The following KBTBD11 variants were observed in gnomAD, a reference collection of about 807,000 sequenced individuals.
KBTBD11 encodes kelch repeat and BTB domain containing 11.
For synonymous variants in KBTBD11, 747 were observed against 499.0 expected (o/e 1.50, Z -6.63); for missense variants, 1,390 against 1,001.8 (o/e 1.39, Z -5.23).
In KBTBD11 at chr8:2,001,037, A is replaced by C; in HGVS notation, c.-156A>C. The C allele has an allele frequency of 9.8e-7, 1 of 1,024,220 alleles. No homozygotes were observed. The highest frequency in any genetic ancestry group is 1.2e-6 in the Non-Finnish European group (1 of 807,230). The allele number at this position is 1,024,220 out of a possible 1,614,324, so 63.4% of individuals were successfully genotyped here. Reference sequence around the variant, plus strand: ...CAGCGTGTGAGATTCCCCCCTTCACACACACAACAACAAAGCGTGGACACA... The same window carrying C: ...CAGCGTGTGAGATTCCCCCCTTCACCCACACAACAACAAAGCGTGGACACA... On this transcript the variant is annotated 5_prime_UTR_variant, in exon 2 of 2. Transcript: ENST00000320248.
At chr8:1,982,085 A>C (rs1041709103) in intron 1 of KBTBD11, among the ~76,000 whole-genome samples, 1 of 152,192 alleles carries the variant, frequency 6.6e-6, no homozygotes, top group African/African-American at 2.4e-5. Flanking sequence ...ACAGCACAAA[A>C]AGCTGTCATT....
At chr8:1,983,468 C>G (rs1228672776) in intron 1 of KBTBD11, among the ~76,000 whole-genome samples, 1 of 152,220 alleles carries the variant, frequency 6.6e-6, no homozygotes. Context: ...GTCTCGTTCC[C>G]TATTTCCATC....
chr8:1,979,078 ATG>A (rs1563361977), intron 1 of KBTBD11, among the ~76,000 whole-genome samples: 18 of 151,724 alleles, frequency 1.2e-4, no homozygotes, highest in African/African-American at 4.1e-4. Context: ...ATGTGTGTGC[ATG>A]TGTCTGCACG....
intron 1 of KBTBD11, 83 bp from the exon 2 acceptor site, chr8:2,000,202 A>C (rs888788479): frequency 1.3e-5 from 2 of 152,216 alleles, no homozygotes; most frequent in African/African-American, 4.8e-5. Flanking sequence ...AACGTTGGAG[A>C]GGGAAGGGTG....
intron 1 of KBTBD11, among the ~76,000 whole-genome samples, chr8:1,989,675 C>G (rs139388539): frequency 6.6e-6 from 1 of 152,198 alleles, no homozygotes; most frequent in African/African-American, 2.4e-5. Context: ...CACGACGCAT[C>G]GCCTCCCCGA....
chr8:1,985,276 C>G (rs1218147099), intron 1 of KBTBD11, among the ~76,000 whole-genome samples: 1 of 152,264 alleles, frequency 6.6e-6, no homozygotes, highest in Non-Finnish European at 1.5e-5. Context: ...GGTGAGCTGT[C>G]AGGAGCTCGT....
chr8:1,984,439 C>T (rs1341214743), intron 1 of KBTBD11, among the ~76,000 whole-genome samples: 1 of 151,924 alleles, frequency 6.6e-6, no homozygotes, highest in Admixed American at 6.6e-5. Context: ...CAGCTGCCCG[C>T]ACCACACCTG....
chr8:1,993,318 C>T (rs1156422821), intron 1 of KBTBD11, among the ~76,000 whole-genome samples: 1 of 152,028 alleles, frequency 6.6e-6, no homozygotes, highest in Non-Finnish European at 1.5e-5. Flanking sequence ...TTCATCCATC[C>T]ATCTATCCAT....
At chr8:1,994,230 G>A (rs1024690476) in intron 1 of KBTBD11, among the ~76,000 whole-genome samples, 3 of 151,396 alleles carry the variant, frequency 2.0e-5, no homozygotes, top group Non-Finnish European at 4.4e-5. Flanking sequence ...GAGGGCAGGT[G>A]GGGGACAGCT....
At chr8:1,981,124 T>G (rs1304983401) in intron 1 of KBTBD11, among the ~76,000 whole-genome samples, 1 of 152,022 alleles carries the variant, frequency 6.6e-6, no homozygotes, top group Admixed American at 6.5e-5. Flanking sequence ...CAAGAGAGAG[T>G]AGGGTGATCT....
At chr8:1,995,377 T>C (rs1256300206) in intron 1 of KBTBD11, among the ~76,000 whole-genome samples, 1 of 152,198 alleles carries the variant, frequency 6.6e-6, no homozygotes, top group Non-Finnish European at 1.5e-5. Context: ...TTAGTAGCCG[T>C]ACGGCCAAGT....
rs1255812161 is a variant in KBTBD11 at position 2,001,465 on chromosome 8, C to G, written c.273C>G (p.Leu91=). Residue 91 remains leucine, a synonymous_variant, in exon 2 of 2, where the codon CTC becomes CTG. Transcript: ENST00000320248. ...CGGGCGCCGCGTCCCCGGAGGAGCT[C>G]GCGTCCCCTGAGGAGCGCGCGTGCC... ...GSAGAASPEE[L]ASPEERACPE... 39 of 1,366,782 alleles carry G rather than the reference C, an allele frequency of 2.9e-5. No homozygotes were observed. Among genetic ancestry groups the G allele is most frequent in the Non-Finnish European group, 3.6e-5 (39 of 1,068,498 alleles). The allele number at this position is 1,366,782 out of a possible 1,614,324, so 84.7% of individuals were successfully genotyped here. A position where few individuals can be genotyped will look rare whatever the true frequency, so the allele number is the denominator to read the frequency against.
chr8:2,001,840 GC>G lies in KBTBD11; in HGVS notation c.651del (p.Gly218AlafsTer14). ...VVAGARRLQL[P>X]GAAQRATDAV... ...TGGCCGGCGCGCGCCGCCTGCAGCTGCCCGGCGCCGCGCAGCGCGCCACCGA... is the reference window on the plus strand; with the variant it reads ...TGGCCGGCGCGCGCCGCCTGCAGCTGCCGGCGCCGCGCAGCGCGCCACCGA... On this transcript the variant is annotated frameshift_variant, in exon 2 of 2. Transcript: ENST00000320248. LOFTEE classifies it low-confidence loss of function (END_TRUNC). 1 of 1,230,950 alleles carries G rather than the reference GC, an allele frequency of 8.1e-7. No homozygotes were observed. 76.3% of individuals were successfully genotyped at this position (1,230,950 alleles called of 1,614,324 possible). A position where few individuals can be genotyped will look rare whatever the true frequency, so the allele number is the denominator to read the frequency against.
At chr8:1,979,394 C>T (rs13273662) in intron 1 of KBTBD11, among the ~76,000 whole-genome samples, 99,155 of 151,994 alleles carry the variant, frequency 0.65, 32,958 homozygotes, top group Middle Eastern at 0.78. Context: ...CTTTGGGAGG[C>T]CGAGGTAGGC....
Position 2,002,372 on chromosome 8 carries a change from G to T in KBTBD11, c.1180G>T (p.Ala394Ser). ...CAACCCGGCCACGGACAGCTGGAGC[G>T]CCGTGAGGCCCCTGCGCCAGGCGCG... Reference protein sequence around the residue: ...CYNPATDSWSAVRPLRQARSQ... With the variant: ...CYNPATDSWSSVRPLRQARSQ... The change falls in exon 2 of 2, where the codon GCC becomes TCC. Residue 394 changes from alanine (A) to serine (S), a missense_variant. Transcript: ENST00000320248. The surrounding 1 kb of genome is among the most constrained non-coding windows in gnomAD (Gnocchi z 4.1). 6.8e-7 allele frequency: 1 copy of T among 1,475,864 alleles called. No homozygotes were observed. Among genetic ancestry groups the T allele is most frequent in the Non-Finnish European group, 8.9e-7 (1 of 1,119,238 alleles). The allele number at this position is 1,475,864 out of a possible 1,614,324, so 91.4% of individuals were successfully genotyped here.
chr8:1,982,951 G>C (rs917037465), intron 1 of KBTBD11, among the ~76,000 whole-genome samples: 1 of 152,114 alleles, frequency 6.6e-6, no homozygotes, highest in African/African-American at 2.4e-5. Flanking sequence ...GTGTTGAACT[G>C]CTGACCTCAA....
intron 1 of KBTBD11, chr8:1,974,230 G>T: frequency 3.2e-6 from 3 of 924,420 alleles, no homozygotes; most frequent in Non-Finnish European, 3.9e-6. Flanking sequence ...GAGGCCGCGT[G>T]GGGGGCGTGG....
chr8:1,989,174 A>G (rs1054858076), intron 1 of KBTBD11, among the ~76,000 whole-genome samples: 3 of 152,178 alleles, frequency 2.0e-5, no homozygotes, highest in African/African-American at 7.2e-5. Context: ...TGAATCAGTA[A>G]TTCTTGAGTC....
chr8:1,978,230 T>C (rs942827493), intron 1 of KBTBD11, among the ~76,000 whole-genome samples: 2 of 152,244 alleles, frequency 1.3e-5, no homozygotes, highest in Admixed American at 6.5e-5. Context: ...CTCCCACTTA[T>C]AAGTGAGAAC....
Sources: gnomAD v4.1 joint callset for allele counts (sites outside exome capture counted in the v4.1 genomes callset) on GRCh38, gnomAD v4.1.1 for gene constraint, Gnocchi (gnomAD v3.1) non-coding constraint, MANE v1.5 for transcripts, NCBI Gene and HGNC (gene_info 2026-07-23, HGNC 2026-07-21) for gene names.